PDE4D: variants seen among roughly 807,000 people sequenced by gnomAD.
PDE4D encodes 3',5'-cyclic-AMP phosphodiesterase 4D.
PDE4D carries 24 observed loss-of-function variants against 87.4 expected under a neutral mutation model. The ratio of observed to expected loss-of-function variants is 0.27; its 90% CI spans 0.20 to 0.39. PDE4D has a LOEUF of 0.39. Among genes scored for constraint, PDE4D ranks in the 10% least tolerant of loss-of-function variants. The probability of loss-of-function intolerance (pLI) is 1.00; values close to 1 mark genes in which losing one functional copy is unlikely to be tolerated. For missense variants in PDE4D, 714 were observed against 1,041.0 expected (o/e 0.69, Z 4.32); for synonymous variants, 384 against 383.2 (o/e 1.00, Z -0.02).
chr5:59,344,991 G>A (rs780978490), intron 1 of PDE4D, among the ~76,000 whole-genome samples: 2 of 151,864 alleles, frequency 1.3e-5, no homozygotes, highest in African/African-American at 2.4e-5. Flanking sequence ...GCCAGAAGCC[G>A]GATTGATATC....
intron 3 of PDE4D, among the ~76,000 whole-genome samples, chr5:59,937,621 C>T (rs904419143): frequency 6.6e-6 from 1 of 152,158 alleles, no homozygotes; most frequent in Non-Finnish European, 1.5e-5. Flanking sequence ...AAACTCTTCC[C>T]CTTCTTATAA....
chr5:60,173,139 A>G (rs1402189885), intron 2 of PDE4D, among the ~76,000 whole-genome samples: 6 of 152,132 alleles, frequency 3.9e-5, no homozygotes, highest in Non-Finnish European at 7.4e-5. Context: ...ACATTAGTAC[A>G]TAAGTGATGC....
At chr5:60,460,258 C>T (rs1746821081) in intron 1 of PDE4D, 4 of 1,104,194 alleles carry the variant, frequency 3.6e-6, no homozygotes, top group Non-Finnish European at 5.6e-6. Context: ...AGATGGATCA[C>T]CACTCTCATT....
In PDE4D at chr5:58,974,245, G is replaced by A. The variant is rs1053349294; in HGVS notation, c.*419C>T. The A allele has an allele frequency of 3.2e-5, 5 of 155,016 alleles. No homozygotes were observed. The highest frequency in any genetic ancestry group is 1.2e-4 in the African/African-American group (5 of 41,458). 9.6% of individuals were successfully genotyped at this position (155,016 alleles called of 1,614,324 possible). On this transcript the variant is annotated 3_prime_UTR_variant, in exon 15 of 15. Transcript: ENST00000340635. ...CAGATTCGTGCTATGTCCTGTTCTT[G>A]ACATATTTGTTGCTTCGTCCATTAA...
At chr5:59,253,614 T>C (rs1467797756) in intron 1 of PDE4D, among the ~76,000 whole-genome samples, 2 of 152,170 alleles carry the variant, frequency 1.3e-5, no homozygotes, top group Admixed American at 6.5e-5. Flanking sequence ...CTAAGTAAAG[T>C]CTGTTTATGA....
chr5:59,236,536 C>T (rs1449689433), intron 1 of PDE4D, among the ~76,000 whole-genome samples: 1 of 152,146 alleles, frequency 6.6e-6, no homozygotes, highest in Non-Finnish European at 1.5e-5. Flanking sequence ...GTTGAGAACA[C>T]CGGACTTGCT....
chr5:60,068,929 C>T (rs1332486026), intron 2 of PDE4D, among the ~76,000 whole-genome samples: 1 of 152,120 alleles, frequency 6.6e-6, no homozygotes, highest in Non-Finnish European at 1.5e-5. Context: ...ATCCATGAAA[C>T]CATTGCCAAG....
upstream of PDE4D, among the ~76,000 whole-genome samples, chr5:59,895,067 T>G (rs1162343201): frequency 6.6e-6 from 1 of 152,244 alleles, no homozygotes; most frequent in Non-Finnish European, 1.5e-5. Context: ...TATTCTATTC[T>G]TCCCACACAC....
At chr5:60,343,888 C>T (rs956246373) in intron 1 of PDE4D, among the ~76,000 whole-genome samples, 4 of 152,026 alleles carry the variant, frequency 2.6e-5, no homozygotes, top group South Asian at 4.1e-4. Flanking sequence ...TGTTTAATGA[C>T]CCCATTTGGC....
chr5:59,613,335 G>A (rs1010981957), intron 1 of PDE4D, among the ~76,000 whole-genome samples: 2 of 152,172 alleles, frequency 1.3e-5, no homozygotes, highest in African/African-American at 4.8e-5. Context: ...TTTTGGACAT[G>A]CTCAGTTTCA....
chr5:59,983,505 G>C (rs1045844303), intron 3 of PDE4D, among the ~76,000 whole-genome samples: 3 of 152,034 alleles, frequency 2.0e-5, no homozygotes, highest in Non-Finnish European at 4.4e-5. Flanking sequence ...AATATACAAA[G>C]AGCCCTCAGA....
intron 1 of PDE4D, among the ~76,000 whole-genome samples, chr5:59,329,237 T>C (rs1776274050): frequency 6.6e-6 from 1 of 152,022 alleles, no homozygotes. Context: ...TCTCGGGCTG[T>C]TCTTATCTAA....
chr5:59,041,906 G>A (rs768396053), intron 5 of PDE4D, among the ~76,000 whole-genome samples: 1 of 152,172 alleles, frequency 6.6e-6, no homozygotes, highest in Non-Finnish European at 1.5e-5. Context: ...CACAGGATTT[G>A]TTCTTAAGAA....
chr5:60,394,420 G>T (rs1762754996), intron 1 of PDE4D, among the ~76,000 whole-genome samples: 1 of 152,230 alleles, frequency 6.6e-6, no homozygotes, highest in Non-Finnish European at 1.5e-5. Flanking sequence ...TTATTGTAAA[G>T]TTAATTTAGG....
rs140996816 is a variant in PDE4D at position 59,958,534 on chromosome 5, G to A, written c.272+29954C>T. On this transcript the variant is annotated intron_variant, in intron 3 of 16. Transcript: ENST00000502484. ...AAATGTACAAACACCATAAAAGACA[G>A]AGTTTTCATCTTCAAAGAACTTATA... Among the ~76,000 whole-genome samples the A allele has an allele frequency of 2.7e-3, 409 of 152,212 alleles. 2 individuals carry two copies. Among genetic ancestry groups the A allele is most frequent in the African/African-American group, 9.5e-3 (395 of 41,538 alleles).
intron 1 of PDE4D, among the ~76,000 whole-genome samples, chr5:60,455,155 T>C (rs762535690): frequency 2.0e-5 from 3 of 152,142 alleles, no homozygotes; most frequent in Non-Finnish European, 4.4e-5. Context: ...TGTCAACAAA[T>C]ACCTACAGGT....
chr5:59,764,775 C>T (rs1289951560), intron 1 of PDE4D, among the ~76,000 whole-genome samples: 1 of 150,542 alleles, frequency 6.6e-6, no homozygotes, highest in Non-Finnish European at 1.5e-5. Context: ...CGTGCCTCAG[C>T]CTCCTGTGGA....
intron 1 of PDE4D, among the ~76,000 whole-genome samples, chr5:59,652,691 A>G (rs1156600952): frequency 6.6e-6 from 1 of 152,148 alleles, no homozygotes; most frequent in Non-Finnish European, 1.5e-5. Flanking sequence ...TCTTTTTCCC[A>G]GAAGGGCAAT....
At chr5:60,005,664 C>A (rs1040903035) in intron 2 of PDE4D, among the ~76,000 whole-genome samples, 1 of 151,800 alleles carries the variant, frequency 6.6e-6, no homozygotes, top group Non-Finnish European at 1.5e-5. Flanking sequence ...AAACAAAAAA[C>A]AAAATATGCT....
Sources: allele counts gnomAD v4.1 joint callset (sites outside exome capture counted in the v4.1 genomes callset), GRCh38; gene constraint gnomAD v4.1.1; transcripts MANE v1.5; gene names NCBI Gene and HGNC (gene_info 2026-07-23, HGNC 2026-07-21).